Variants in DAB1 observed in about 807,000 individuals in gnomAD.
The protein encoded by DAB1 is disabled homolog 1.
DAB1 carries 15 observed loss-of-function variants against 64.6 expected under a neutral mutation model. The observed-to-expected ratio is 0.23, with a 90% CI of 0.16 to 0.36. The LOEUF is 0.36. DAB1 is among the 10% of genes least tolerant of loss of function. The pLI, the probability that DAB1 is intolerant of heterozygous loss-of-function variation, is 1.00. For synonymous variants in DAB1, 235 were observed against 251.9 expected, an observed-to-expected ratio of 0.93 and a Z score of 0.64; for missense variants, 596 against 706.7, an observed-to-expected ratio of 0.84 and a Z score of 1.78.
rs1172534627 is a variant in DAB1 at position 58,518,243 on chromosome 1, AGG to A, written n.107+9016_107+9017del. On this transcript the variant is annotated intron_variant and non_coding_transcript_variant, in intron 2 of 20. Transcript: ENST00000485760. ...GGAGAGGGGAGAGGGGAGAGGGGAG[AGG>A]GGAGAGGGGAGAGGGGAGAGGAGAG... is the stretch of plus-strand genomic sequence containing the variant. Among the ~76,000 whole-genome samples the A allele has an allele frequency of 9.6e-4, 7 of 7,318 alleles. 1 individual carries two copies. The highest frequency in any genetic ancestry group is 5.0e-3 in the African/African-American group (5 of 996). The allele number at this position is 7,318 out of a possible 152,430, so 4.8% of individuals were successfully genotyped here.
At chr1:58,112,302 A>T (rs1275737927) in intron 5 of DAB1, among the ~76,000 whole-genome samples, 1 of 152,236 alleles carries the variant, frequency 6.6e-6, no homozygotes, top group Non-Finnish European at 1.5e-5. Flanking sequence ...CCTTAAGAGC[A>T]ATGACCTTGT....
intron 4 of DAB1, among the ~76,000 whole-genome samples, chr1:58,197,883 G>A (rs1657775893): frequency 6.6e-6 from 1 of 152,126 alleles, no homozygotes; most frequent in Non-Finnish European, 1.5e-5. Context: ...CATAATGTTA[G>A]TTCAACATGA....
At chr1:57,359,942 A>G (rs1679416280) in intron 1 of DAB1, among the ~76,000 whole-genome samples, 1 of 151,968 alleles carries the variant, frequency 6.6e-6, no homozygotes. Context: ...TGTGCTTGGG[A>G]GTGGGGGAAG....
At chr1:57,435,240 G>C (rs1685655277) in intron 7 of DAB1, among the ~76,000 whole-genome samples, 1 of 151,488 alleles carries the variant, frequency 6.6e-6, no homozygotes, top group Admixed American at 6.6e-5. Flanking sequence ...GTAGAGATGG[G>C]GTTTTGCAAC....
intron 5 of DAB1, among the ~76,000 whole-genome samples, chr1:58,056,807 C>G (rs911931474): frequency 2.6e-5 from 4 of 152,074 alleles, no homozygotes; most frequent in Non-Finnish European, 5.9e-5. Context: ...TTTGTAGTCA[C>G]CTTAGGATGG....
intron 6 of DAB1, among the ~76,000 whole-genome samples, chr1:57,662,347 C>A (rs1204101972): frequency 2.6e-5 from 4 of 152,148 alleles, no homozygotes; most frequent in African/African-American, 9.7e-5. Flanking sequence ...CAGGTATGCG[C>A]CACCACGCCC....
chr1:57,899,297 T>A (rs1644438716), intron 5 of DAB1, among the ~76,000 whole-genome samples: 1 of 152,120 alleles, frequency 6.6e-6, no homozygotes, highest in South Asian at 2.1e-4. Flanking sequence ...AGCTTACAGT[T>A]CTAAACCAAC....
chr1:58,252,846 T>C (rs1660835775), intron 4 of DAB1, among the ~76,000 whole-genome samples: 1 of 152,168 alleles, frequency 6.6e-6, no homozygotes, highest in Non-Finnish European at 1.5e-5. Context: ...GAAGCACTTA[T>C]CCAATTGAGA....
intron 1 of DAB1, among the ~76,000 whole-genome samples, chr1:57,292,390 A>G (rs552449799): frequency 6.6e-6 from 1 of 152,204 alleles, no homozygotes; most frequent in Non-Finnish European, 1.5e-5. Flanking sequence ...AATGGCCCAA[A>G]TGAAAGTACT....
At chr1:57,686,537 C>G (rs1646699853) in intron 6 of DAB1, among the ~76,000 whole-genome samples, 1 of 152,122 alleles carries the variant, frequency 6.6e-6, no homozygotes, top group South Asian at 2.1e-4. Context: ...AGGGGCTCCT[C>G]CCTAACTCAT....
intron 14 of DAB1, among the ~76,000 whole-genome samples, chr1:56,999,861 ATTATGC>A (rs1645778417): frequency 6.6e-6 from 1 of 152,096 alleles, no homozygotes; most frequent in East Asian, 1.9e-4. Flanking sequence ...GAGGCACCCT[ATTATGC>A]AGTGTAACAA....
intron 4 of DAB1, among the ~76,000 whole-genome samples, chr1:57,114,347 T>A (rs1226098776): frequency 1.3e-5 from 2 of 152,178 alleles, no homozygotes; most frequent in African/African-American, 2.4e-5. Context: ...CAAGTTCAGT[T>A]ACTATAATTT....
At chr1:58,260,278 A>G (rs1042471986) in intron 4 of DAB1, among the ~76,000 whole-genome samples, 2 of 152,190 alleles carry the variant, frequency 1.3e-5, no homozygotes, top group Admixed American at 1.3e-4. Flanking sequence ...AACGTCATAC[A>G]TCAGCTTAAG....
At chr1:57,253,825 G>A (rs200522834) in intron 2 of DAB1, among the ~76,000 whole-genome samples, 4 of 152,166 alleles carry the variant, frequency 2.6e-5, no homozygotes, top group East Asian at 3.8e-4. Flanking sequence ...TGCCATCCAT[G>A]TTTGGACCTC....
At chr1:58,452,655 CAAA>C (rs1245979623) in intron 3 of DAB1, among the ~76,000 whole-genome samples, 2 of 105,504 alleles carry the variant, frequency 1.9e-5, no homozygotes, top group African/African-American at 6.9e-5. Context: ...ACAAAAATAC[CAAA>C]AAAAAAAAAA....
chr1:57,246,260 C>A (rs984930103), intron 2 of DAB1, among the ~76,000 whole-genome samples: 1 of 151,780 alleles, frequency 6.6e-6, no homozygotes, highest in South Asian at 2.1e-4. Context: ...GAACCTACCA[C>A]CCGCTGCCCC....
At chr1:57,527,016 T>A (rs1363594452) in intron 7 of DAB1, among the ~76,000 whole-genome samples, 1 of 152,168 alleles carries the variant, frequency 6.6e-6, no homozygotes, top group Non-Finnish European at 1.5e-5. Flanking sequence ...AGTATTAGTA[T>A]CACAATTTTC....
At chr1:57,918,582 T>A (rs1030613784) in intron 5 of DAB1, among the ~76,000 whole-genome samples, 1 of 152,128 alleles carries the variant, frequency 6.6e-6, no homozygotes, top group Non-Finnish European at 1.5e-5. Flanking sequence ...CCCAGCACTT[T>A]GGGAGGCCGG....
intron 3 of DAB1, among the ~76,000 whole-genome samples, chr1:58,427,696 C>T (rs144833180): frequency 1.3e-5 from 2 of 152,038 alleles, no homozygotes; most frequent in Non-Finnish European, 2.9e-5. Context: ...GGGAGGTCTT[C>T]GGTGCCAGGA....
Sources: allele counts gnomAD v4.1 joint callset (sites outside exome capture counted in the v4.1 genomes callset), GRCh38; gene constraint gnomAD v4.1.1; transcripts MANE v1.5; gene names NCBI Gene and HGNC (gene_info 2026-07-23, HGNC 2026-07-21).